Variants in GRIA4 observed in about 807,000 individuals in gnomAD.
GRIA4 encodes glutamate ionotropic receptor AMPA type subunit 4, also known as glutamate receptor 4.
GRIA4 carries 34 observed loss-of-function variants against 104.0 expected under a neutral mutation model. The observed-to-expected ratio is 0.33, with a 90% CI of 0.25 to 0.44. GRIA4 has a LOEUF of 0.44. Ranked by LOEUF, GRIA4 falls within the 20% of genes least tolerant of loss-of-function variation. GRIA4 has a pLI of 1.00. For missense variants in GRIA4, 750 were observed against 1,096.5 expected, an observed-to-expected ratio of 0.68 and a Z score of 4.46; for synonymous variants, 386 against 381.9, an observed-to-expected ratio of 1.01 and a Z score of -0.13.
chr11:105,759,959 C>G (rs530689382), intron 4 of GRIA4, among the ~76,000 whole-genome samples: 1 of 137,988 alleles, frequency 7.2e-6, no homozygotes, highest in Non-Finnish European at 1.6e-5. Flanking sequence ...TGCCCCCATA[C>G]AGTCACACTT....
intron 14 of GRIA4, among the ~76,000 whole-genome samples, chr11:105,953,035 C>A (rs1433836466): frequency 6.6e-6 from 1 of 152,122 alleles, no homozygotes; most frequent in African/African-American, 2.4e-5. Context: ...GCAAAAAGAG[C>A]CTTGTGCTTG....
chr11:105,757,967 G>C (rs1940407517), intron 4 of GRIA4, among the ~76,000 whole-genome samples: 1 of 151,998 alleles, frequency 6.6e-6, no homozygotes, highest in South Asian at 2.1e-4. Context: ...TTTTTGGCTG[G>C]GTCTGGTGGC....
intron 3 of GRIA4, among the ~76,000 whole-genome samples, chr11:105,633,167 T>C (rs1275953601): frequency 6.6e-6 from 1 of 152,218 alleles, no homozygotes. Flanking sequence ...ATTAGTGCCA[T>C]TTGAAAAGAT....
intron 14 of GRIA4, among the ~76,000 whole-genome samples, chr11:105,956,893 A>G (rs369931390): frequency 1.3e-5 from 2 of 152,272 alleles, no homozygotes; most frequent in Non-Finnish European, 2.9e-5. Flanking sequence ...TCTTTTGGCT[A>G]CATAAATGTC....
chr11:105,633,056 G>C (rs998906003), intron 3 of GRIA4, among the ~76,000 whole-genome samples: 2 of 152,128 alleles, frequency 1.3e-5, no homozygotes, highest in African/African-American at 4.8e-5. Flanking sequence ...GTTTGTTTTG[G>C]AGCTGACTGA....
intron 4 of GRIA4, chr11:105,797,708 T>C (rs7109784): frequency 3.5e-5 from 14 of 396,596 alleles, no homozygotes; most frequent in Non-Finnish European, 6.7e-5. Flanking sequence ...TTGTGTCTTG[T>C]TCATTTCTCT....
intron 3 of GRIA4, among the ~76,000 whole-genome samples, chr11:105,738,930 C>CAAAAAAAAAAA (rs1301890108): frequency 1.1e-3 from 86 of 79,828 alleles, no homozygotes; most frequent in Non-Finnish European, 1.6e-3. Flanking sequence ...TAAAAAAAAA[C>CAAAAAAAAAAA]AAAAAAAAAA....
Position 105,610,907 on chromosome 11 carries a change from GCGCC to G in GRIA4, c.-90_-87del. ...TTTTTTTTGGTTGATTTTAATTTTA[GCGCC>G]ATCGTCTTCAATGCTTCTCTGAACA... is the stretch of plus-strand genomic sequence containing the variant. On this transcript the variant is annotated splice_region_variant and 5_prime_UTR_variant, in exon 2 of 17. Transcript: ENST00000282499. 2.5e-6 allele frequency: 1 copy of G among 406,412 alleles called. No homozygotes were observed. Among genetic ancestry groups the G allele is most frequent in the Admixed American group, 4.9e-5 (1 of 20,394 alleles). The allele number at this position is 406,412 out of a possible 1,614,324, so 25.2% of individuals were successfully genotyped here.
intron 7 of GRIA4, among the ~76,000 whole-genome samples, chr11:105,901,308 T>C (rs892288661): frequency 6.6e-6 from 1 of 152,210 alleles, no homozygotes; most frequent in African/African-American, 2.4e-5. Flanking sequence ...TGTCACAGAA[T>C]TAAAATTCAT....
At chr11:105,869,210 A>C (rs1300773486) in intron 5 of GRIA4, among the ~76,000 whole-genome samples, 2 of 152,294 alleles carry the variant, frequency 1.3e-5, no homozygotes, top group South Asian at 2.1e-4. Context: ...AAGAAGAAAA[A>C]TATGATTGTC....
chr11:105,780,482 T>C (rs1252697412), intron 4 of GRIA4, among the ~76,000 whole-genome samples: 1 of 152,178 alleles, frequency 6.6e-6, no homozygotes, highest in African/African-American at 2.4e-5. Flanking sequence ...AGCTCACATT[T>C]CACATTTTAC....
chr11:105,705,715 C>A (rs139521323), intron 3 of GRIA4, among the ~76,000 whole-genome samples: 1 of 152,072 alleles, frequency 6.6e-6, no homozygotes, highest in African/African-American at 2.4e-5. Context: ...GCAGTTCCCA[C>A]CTATTACATG....
chr11:105,812,994 T>C (rs532069766), intron 4 of GRIA4, among the ~76,000 whole-genome samples: 1 of 145,108 alleles, frequency 6.9e-6, no homozygotes, highest in South Asian at 2.1e-4. Flanking sequence ...CTCGGGAGGC[T>C]GAGGCAGGAA....
At chr11:105,721,314 C>T (rs796101525) in intron 3 of GRIA4, among the ~76,000 whole-genome samples, 3 of 151,976 alleles carry the variant, frequency 2.0e-5, no homozygotes, top group African/African-American at 4.8e-5. Flanking sequence ...ACTTAAGACC[C>T]GAGAATGCCC....
At chr11:105,818,579 T>C (rs1280924728) in intron 4 of GRIA4, among the ~76,000 whole-genome samples, 1 of 152,166 alleles carries the variant, frequency 6.6e-6, no homozygotes, top group African/African-American at 2.4e-5. Context: ...TCCCAGAATG[T>C]TCACAAACAT....
intron 3 of GRIA4, among the ~76,000 whole-genome samples, chr11:105,705,273 G>T (rs971861932): frequency 6.6e-6 from 1 of 152,028 alleles, no homozygotes; most frequent in Non-Finnish European, 1.5e-5. Flanking sequence ...ATTCTAAATA[G>T]ACCAGGAATC....
chr11:105,860,685 G>C (rs996768489), intron 4 of GRIA4, among the ~76,000 whole-genome samples: 3 of 152,086 alleles, frequency 2.0e-5, no homozygotes, highest in African/African-American at 7.2e-5. Flanking sequence ...ATGGGGCTGG[G>C]TGCTGTGACT....
At chr11:105,968,313 T>A (rs1037107740) in intron 14 of GRIA4, among the ~76,000 whole-genome samples, 3 of 152,222 alleles carry the variant, frequency 2.0e-5, no homozygotes, top group Middle Eastern at 3.2e-3. Flanking sequence ...ATTATTAAAC[T>A]TGTGTTTGAA....
At chr11:105,636,494 A>G (rs1284784516) in intron 3 of GRIA4, among the ~76,000 whole-genome samples, 1 of 152,150 alleles carries the variant, frequency 6.6e-6, no homozygotes, top group Non-Finnish European at 1.5e-5. Flanking sequence ...GTATGTTTTT[A>G]TCATTTTCTT....
Sources: allele counts gnomAD v4.1 joint callset (sites outside exome capture counted in the v4.1 genomes callset), GRCh38; gene constraint gnomAD v4.1.1; transcripts MANE v1.5; gene names NCBI Gene and HGNC (gene_info 2026-07-23, HGNC 2026-07-21).